Variants in GPC5 observed in about 807,000 individuals in gnomAD.
GPC5 encodes glypican-5.
GPC5 carries 47 observed loss-of-function variants against 53.9 expected under a neutral mutation model. The observed-to-expected ratio is 0.87, with a 90% CI of 0.69 to 1.11. The LOEUF is 1.11. Ranked by LOEUF, GPC5 falls within the 50% of genes most tolerant of loss-of-function variation. The pLI is 0.00. For synonymous variants in GPC5, 286 were observed against 263.3 expected (o/e 1.09, Z -0.84); for missense variants, 748 against 713.1 (o/e 1.05, Z -0.56).
chr13:92,319,401 C>T, intron 7 of GPC5, among the ~76,000 whole-genome samples: 1 of 127,330 alleles, frequency 7.9e-6, no homozygotes, highest in Non-Finnish European at 1.6e-5. Context: ...GATAATGCAT[C>T]TCTGAAACTA....
intron 6 of GPC5, among the ~76,000 whole-genome samples, chr13:92,073,988 A>C (rs1003542189): frequency 1.3e-5 from 2 of 152,138 alleles, no homozygotes; most frequent in African/African-American, 4.8e-5. Context: ...CCATCATGTG[A>C]AGAAACATGT....
chr13:91,866,847 G>A (rs1489345801), intron 5 of GPC5, among the ~76,000 whole-genome samples: 2 of 152,144 alleles, frequency 1.3e-5, no homozygotes, highest in Non-Finnish European at 2.9e-5. Context: ...CTTTAAATGT[G>A]CTTTAATAAT....
chr13:91,462,193 G>A (rs1048611144), intron 2 of GPC5, among the ~76,000 whole-genome samples: 1 of 152,100 alleles, frequency 6.6e-6, no homozygotes, highest in African/African-American at 2.4e-5. Flanking sequence ...GGTCTTATTA[G>A]TGTCCTTCTC....
intron 7 of GPC5, among the ~76,000 whole-genome samples, chr13:92,378,138 A>G (rs1566563606): frequency 6.6e-6 from 1 of 152,190 alleles, no homozygotes; most frequent in Non-Finnish European, 1.5e-5. Flanking sequence ...TGTCATGTGA[A>G]GGGATCCAAC....
chr13:91,538,833 C>CGT (rs1409733688), intron 2 of GPC5, among the ~76,000 whole-genome samples: 17 of 149,006 alleles, frequency 1.1e-4, no homozygotes, highest in Non-Finnish European at 2.4e-4. Context: ...CCACCCCGCC[C>CGT]CCCCCTCAGC....
At chr13:92,104,058 A>G (rs955934840) in intron 6 of GPC5, among the ~76,000 whole-genome samples, 1 of 152,116 alleles carries the variant, frequency 6.6e-6, no homozygotes, top group Non-Finnish European at 1.5e-5. Flanking sequence ...GAAAAAGGCT[A>G]TTTGCATTGA....
intron 7 of GPC5, among the ~76,000 whole-genome samples, chr13:92,365,483 T>A (rs1399259021): frequency 6.6e-6 from 1 of 151,604 alleles, no homozygotes. Context: ...TCTTCAATGA[T>A]AAATTACCCT....
intron 5 of GPC5, among the ~76,000 whole-genome samples, chr13:91,766,214 T>C (rs1473914947): frequency 6.6e-6 from 1 of 152,222 alleles, no homozygotes; most frequent in Non-Finnish European, 1.5e-5. Flanking sequence ...ATCAGCAGAC[T>C]TGGAAGCAAG....
chr13:91,429,736 A>G (rs2139017629), intron 1 of GPC5, among the ~76,000 whole-genome samples: 1 of 152,376 alleles, frequency 6.6e-6, no homozygotes, highest in South Asian at 2.1e-4. Flanking sequence ...TATGCAAAAC[A>G]AACACTTGTG....
intron 7 of GPC5, among the ~76,000 whole-genome samples, chr13:92,230,867 A>C (rs1218350615): frequency 6.6e-6 from 1 of 152,206 alleles, no homozygotes; most frequent in Non-Finnish European, 1.5e-5. Flanking sequence ...TTTTTCATAA[A>C]GTTAGAAATA....
intron 7 of GPC5, among the ~76,000 whole-genome samples, chr13:92,601,918 TTATTTC>T (rs2139081698): frequency 6.6e-6 from 1 of 151,598 alleles, no homozygotes; most frequent in African/African-American, 2.4e-5. Flanking sequence ...ATACCTTGAG[TTATTTC>T]TATTATTTAT....
chr13:91,750,660 G>A (rs2037152593), intron 4 of GPC5, among the ~76,000 whole-genome samples: 1 of 147,242 alleles, frequency 6.8e-6, no homozygotes, highest in Admixed American at 6.8e-5. Context: ...TTGCTCTGTG[G>A]TAGTAGGTAA....
chr13:91,736,610 A>C (rs990621516), intron 4 of GPC5, among the ~76,000 whole-genome samples: 2 of 151,504 alleles, frequency 1.3e-5, no homozygotes, highest in African/African-American at 4.9e-5. Flanking sequence ...TTACTTAAAA[A>C]AATAGACAAG....
intron 6 of GPC5, among the ~76,000 whole-genome samples, chr13:92,125,280 C>A (rs567957344): frequency 7.8e-4 from 119 of 152,198 alleles, no homozygotes; most frequent in Non-Finnish European, 1.2e-3. Flanking sequence ...GAGGCCACAG[C>A]TAATCCACAT....
At chr13:92,491,852 T>G (rs912827252) in intron 7 of GPC5, among the ~76,000 whole-genome samples, 3 of 152,182 alleles carry the variant, frequency 2.0e-5, no homozygotes, top group African/African-American at 7.2e-5. Flanking sequence ...AAGTAATATT[T>G]CTTTTTATTT....
At chr13:92,116,499 G>A (rs1277174595) in intron 6 of GPC5, among the ~76,000 whole-genome samples, 1 of 152,204 alleles carries the variant, frequency 6.6e-6, no homozygotes, top group Non-Finnish European at 1.5e-5. Flanking sequence ...TACCGTGTTT[G>A]TTTATTAATA....
At chr13:91,426,217 A>G (rs1206489597) in intron 1 of GPC5, among the ~76,000 whole-genome samples, 1 of 151,920 alleles carries the variant, frequency 6.6e-6, no homozygotes, top group African/African-American at 2.4e-5. Flanking sequence ...CAACGGGGAA[A>G]ATGTCTCTAC....
intron 7 of GPC5, among the ~76,000 whole-genome samples, chr13:92,748,363 T>G (rs1389401889): frequency 1.3e-5 from 2 of 149,602 alleles, no homozygotes; most frequent in East Asian, 4.0e-4. Flanking sequence ...AGATGGAGTC[T>G]CGCTCTGTCA....
chr13:91,422,519 C>A (rs761780954), intron 1 of GPC5, among the ~76,000 whole-genome samples: 1 of 152,054 alleles, frequency 6.6e-6, no homozygotes, highest in Non-Finnish European at 1.5e-5. Context: ...GCCTGTAATC[C>A]CAGCTATTCT....
Sources: gnomAD v4.1 joint callset for allele counts (sites outside exome capture counted in the v4.1 genomes callset) on GRCh38, gnomAD v4.1.1 for gene constraint, MANE v1.5 for transcripts, NCBI Gene and HGNC (gene_info 2026-07-23, HGNC 2026-07-21) for gene names.